The following NFKB1 variants were observed in gnomAD, a reference collection of about 807,000 sequenced individuals.
The protein encoded by NFKB1 is nuclear factor kappa B subunit 1.
Under a neutral mutation model 105.1 loss-of-function variants are expected in NFKB1, and 9 were observed. The observed-to-expected ratio is 0.09, with a 90% confidence interval of 0.05 to 0.15. The LOEUF (loss-of-function observed/expected upper bound fraction) is 0.15, where lower values mean the gene tolerates loss of function less well. Among genes scored for constraint, NFKB1 ranks in the 10% least tolerant of loss-of-function variants. The pLI is 1.00. For synonymous variants in NFKB1, 440 were observed against 442.2 expected, an observed-to-expected ratio of 1.00 and a Z score of 0.06; for missense variants, 830 against 1,203.7, an observed-to-expected ratio of 0.69 and a Z score of 4.59.
At chr4:102,596,607 T>G (rs1028791796) in intron 14 of NFKB1, among the ~76,000 whole-genome samples, 1 of 152,132 alleles carries the variant, frequency 6.6e-6, no homozygotes, top group African/African-American at 2.4e-5. Context: ...TGAGAGATAA[T>G]CAACTTCTTT....
At chr4:102,548,145 G>A (rs1435386999) in intron 5 of NFKB1, among the ~76,000 whole-genome samples, 3 of 152,092 alleles carry the variant, frequency 2.0e-5, no homozygotes, top group African/African-American at 2.4e-5. Flanking sequence ...TGGAGAAAGA[G>A]AGAGAAAGGA....
intron 10 of NFKB1, among the ~76,000 whole-genome samples, chr4:102,583,177 T>C (rs537242364): frequency 1.3e-5 from 2 of 152,200 alleles, no homozygotes; most frequent in South Asian, 2.1e-4. Context: ...GTAGAGATGA[T>C]GTCTTGCCAT....
At chr4:102,594,061 A>G (rs192639091) in intron 12 of NFKB1, among the ~76,000 whole-genome samples, 1 of 152,270 alleles carries the variant, frequency 6.6e-6, no homozygotes, top group African/African-American at 2.4e-5. Context: ...TACAGCTGTG[A>G]TCATCATTAT....
intron 1 of NFKB1, among the ~76,000 whole-genome samples, chr4:102,522,430 C>A (rs1430154292): frequency 6.6e-6 from 1 of 152,116 alleles, no homozygotes; most frequent in Non-Finnish European, 1.5e-5. Context: ...GATCCTTTGG[C>A]AAGAATTGGT....
At chr4:102,584,547 C>T (rs1306764629) in intron 10 of NFKB1, 135 bp from the exon 11 acceptor site, 13 of 749,424 alleles carry the variant, frequency 1.7e-5, no homozygotes, top group Non-Finnish European at 2.4e-5. Flanking sequence ...CTCCAGGACA[C>T]GGTGTTTTTT....
At chr4:102,584,581 G>A in intron 10 of NFKB1, 101 bp from the exon 11 acceptor site, 2 of 1,194,228 alleles carry the variant, frequency 1.7e-6, no homozygotes, top group Non-Finnish European at 2.3e-6. Flanking sequence ...TAAACATTGG[G>A]TATAAAGAAA....
In NFKB1 at chr4:102,538,287, A is replaced by C. The variant is rs186213775; in HGVS notation, c.258+331A>C. Reference sequence around the variant, plus strand: ...GAAATGGTTGATTTTGACTCTTTGGAGATTTAGTGAAAAACCAAACAAGTG... The same window carrying C: ...GAAATGGTTGATTTTGACTCTTTGGCGATTTAGTGAAAAACCAAACAAGTG... On this transcript the variant is annotated intron_variant, in intron 5 of 23. Coordinates refer to ENST00000226574, the MANE Select transcript of NFKB1 (RefSeq NM_003998.4). Among the ~76,000 whole-genome samples, 4 of 152,284 alleles carry C rather than the reference A, an allele frequency of 2.6e-5. No homozygotes were observed. The East Asian group carries it at 7.7e-4, about 29-fold the overall frequency.
At position 102,593,491 on chromosome 4, in the gene NFKB1, G is replaced by A. The variant is rs774560110; in HGVS notation, c.1133G>A (p.Gly378Asp). The A allele has an allele frequency of 4.3e-6, 7 of 1,613,848 alleles. No homozygotes were observed. In the Admixed American group the frequency reaches 1.2e-4, roughly 27 times the overall value. ...MPNFSDSFGGGSGAGAGGGGM... is the reference protein window; with the variant it reads ...MPNFSDSFGGDSGAGAGGGGM... ...AATTTTTCGGATAGTTTCGGCGGTG[G>A]TAGTGGTGCTGGAGCTGGAGGCGGA... The change falls in exon 12 of 24, where the codon GGT becomes GAT. Residue 378 changes from glycine to aspartate, a missense_variant. This residue lies in a region of NFKB1 where 163 missense variants were observed against 164.3 expected (regional missense o/e 0.99). Coordinates refer to ENST00000226574, the MANE Select transcript of NFKB1 (RefSeq NM_003998.4).
At chr4:102,595,076 C>T in intron 13 of NFKB1, 95 bp downstream of exon 13, 1 of 713,778 alleles carries the variant, frequency 1.4e-6, no homozygotes, top group Non-Finnish European at 2.3e-6. Flanking sequence ...ACAGTATTAT[C>T]ATCTTGACAA....
intron 5 of NFKB1, among the ~76,000 whole-genome samples, chr4:102,556,577 G>T (rs1578758016): frequency 6.6e-6 from 1 of 152,132 alleles, no homozygotes; most frequent in South Asian, 2.1e-4. Flanking sequence ...TAAATGGCTA[G>T]TGGGTTTGGA....
intron 16 of NFKB1, among the ~76,000 whole-genome samples, chr4:102,605,186 T>C (rs1381083972): frequency 6.6e-6 from 1 of 152,158 alleles, no homozygotes; most frequent in African/African-American, 2.4e-5. Flanking sequence ...AGAAGAAGGC[T>C]CTTGGCAACA....
chr4:102,602,661 G>A (rs576628551), intron 16 of NFKB1, among the ~76,000 whole-genome samples: 34 of 152,258 alleles, frequency 2.2e-4, no homozygotes, highest in African/African-American at 4.8e-4. Context: ...CCTGATAGGG[G>A]AAAATGACCA....
Position 102,616,398 on chromosome 4 carries a change from C to A in NFKB1, c.2750-36C>A, listed in dbSNP as rs772273033. 17 of 1,608,578 alleles carry A rather than the reference C, an allele frequency of 1.1e-5. No individual in the cohort carries two copies. In the African/African-American group the frequency reaches 1.1e-4, roughly 10 times the overall value. On this transcript the variant is annotated intron_variant, in intron 23 of 23. Coordinates refer to ENST00000226574, the MANE Select transcript of NFKB1 (RefSeq NM_003998.4). ...AGTCCATGAGCTTTTTAGAGCCCGG[C>A]CATTCCCCCAGTGAATTTGTGCTTT...
intron 5 of NFKB1, 55 bp from the exon 6 acceptor site, chr4:102,566,932 T>C: frequency 6.3e-7 from 1 of 1,575,736 alleles, no homozygotes; most frequent in Non-Finnish European, 8.7e-7. Flanking sequence ...TAAACATGTT[T>C]CCATGTTGCT....
chr4:102,516,256 A>G (rs1425409317), intron 1 of NFKB1, among the ~76,000 whole-genome samples: 3 of 152,114 alleles, frequency 2.0e-5, no homozygotes, highest in African/African-American at 7.2e-5. Flanking sequence ...TTTATCCAGC[A>G]GAGAGATCTT....
intron 16 of NFKB1, among the ~76,000 whole-genome samples, chr4:102,605,731 C>T (rs996326423): frequency 1.3e-5 from 2 of 152,154 alleles, no homozygotes; most frequent in African/African-American, 4.8e-5. Flanking sequence ...GCTGAGCCCC[C>T]TTGGTGAGAT....
chr4:102,566,845 T>C (rs1465789044), intron 5 of NFKB1, 142 bp from the exon 6 acceptor site: 12 of 778,000 alleles, frequency 1.5e-5, no homozygotes, highest in Non-Finnish European at 2.2e-5. Context: ...CACATACTTT[T>C]AAAAACAGGG....
intron 5 of NFKB1, among the ~76,000 whole-genome samples, chr4:102,551,782 C>A (rs1291749913): frequency 6.6e-6 from 1 of 152,128 alleles, no homozygotes; most frequent in African/African-American, 2.4e-5. Flanking sequence ...AAGGTTCTTA[C>A]TAAATTTGCA....
At chr4:102,610,247 T>C (rs979503758) in intron 19 of NFKB1, among the ~76,000 whole-genome samples, 1 of 152,228 alleles carries the variant, frequency 6.6e-6, no homozygotes, top group African/African-American at 2.4e-5. Flanking sequence ...GTAATCATGC[T>C]GTCCATCAGC....
Sources: gnomAD v4.1 joint callset for allele counts (sites outside exome capture counted in the v4.1 genomes callset) on GRCh38, gnomAD v4.1.1 for gene constraint, gnomAD v4.1.1 regional missense constraint, MANE v1.5 for transcripts, NCBI Gene and HGNC (gene_info 2026-07-23, HGNC 2026-07-21) for gene names.